The following ROBO2 variants were observed in gnomAD, a reference collection of about 807,000 sequenced individuals.
ROBO2 encodes roundabout homolog 2.
In ROBO2, 53 loss-of-function variants were observed where a neutral mutation model predicts 160.8. The observed-to-expected ratio is 0.33, with a 90% CI of 0.26 to 0.41. The LOEUF is 0.41. Ranked by LOEUF, ROBO2 falls within the 10% of genes least tolerant of loss-of-function variation. The probability of loss-of-function intolerance (pLI) is 1.00; values close to 1 mark genes in which losing one functional copy is unlikely to be tolerated. For missense variants in ROBO2, 1,577 were observed against 1,722.4 expected, an observed-to-expected ratio of 0.92 and a Z score of 1.49; for synonymous variants, 664 against 611.7, an observed-to-expected ratio of 1.09 and a Z score of -1.26.
chr3:77,536,704 TA>T (rs2092130103), intron 6 of ROBO2, among the ~76,000 whole-genome samples: 1 of 152,118 alleles, frequency 6.6e-6, no homozygotes, highest in South Asian at 2.1e-4. Context: ...TAATGTTGTT[TA>T]AAAAAATAAT....
intron 2 of ROBO2, among the ~76,000 whole-genome samples, chr3:76,917,002 CA>C (rs892157493): frequency 1.4e-4 from 22 of 152,168 alleles, no homozygotes; most frequent in African/African-American, 5.3e-4. Flanking sequence ...ACACATTGAC[CA>C]AAAAAGCAGA....
intron 2 of ROBO2, among the ~76,000 whole-genome samples, chr3:76,363,065 G>A (rs2075614045): frequency 6.6e-6 from 1 of 152,038 alleles, no homozygotes; most frequent in African/African-American, 2.4e-5. Context: ...TCTGGTAAAT[G>A]TGTTTGGAAT....
intron 2 of ROBO2, among the ~76,000 whole-genome samples, chr3:77,140,588 T>A (rs185829834): frequency 6.6e-6 from 1 of 152,258 alleles, no homozygotes; most frequent in Admixed American, 6.5e-5. Flanking sequence ...CAGAACTACC[T>A]GCAATGGAAA....
At chr3:76,489,960 G>C (rs775035786) in intron 2 of ROBO2, among the ~76,000 whole-genome samples, 1 of 152,034 alleles carries the variant, frequency 6.6e-6, no homozygotes, top group Non-Finnish European at 1.5e-5. Flanking sequence ...ATTGAAATGA[G>C]TATTTCAAAA....
chr3:76,899,084 T>A (rs925754499), intron 2 of ROBO2, among the ~76,000 whole-genome samples: 2 of 152,094 alleles, frequency 1.3e-5, no homozygotes, highest in Non-Finnish European at 2.9e-5. Context: ...TACACAACAA[T>A]TCTTCTGCTT....
intron 2 of ROBO2, among the ~76,000 whole-genome samples, chr3:76,425,056 C>A (rs1276613714): frequency 6.6e-6 from 1 of 152,072 alleles, no homozygotes; most frequent in Non-Finnish European, 1.5e-5. Flanking sequence ...CTCCTCTACC[C>A]TTATAAATTC....
rs751579500 is a variant in ROBO2, at chr3:77,477,591, T to A, written c.546+20T>A. 1 of 1,610,806 alleles carries A rather than the reference T, an allele frequency of 6.2e-7. No individual in the cohort carries two copies. Among genetic ancestry groups the A allele is most frequent in the Non-Finnish European group, 8.5e-7 (1 of 1,177,018 alleles). On this transcript the variant is annotated intron_variant, in intron 3 of 25. Transcript: ENST00000461745. ...ATAAGTGTGAGTTAAATTAAAATCATGGCCCAGAGAGATTGAATTTTCAGT... is the reference window on the plus strand; with the variant it reads ...ATAAGTGTGAGTTAAATTAAAATCAAGGCCCAGAGAGATTGAATTTTCAGT...
chr3:77,386,603 A>ATTTTTTTTTTTTTTTTTTATTT lies in ROBO2; in HGVS notation c.389-90794_389-90793insTATTTTTTTTTTTTTTTTTTTT, dbSNP rs71104679. Among the ~76,000 whole-genome samples the ATTTTTTTTTTTTTTTTTTATTT allele has an allele frequency of 3.3e-5, 3 of 91,896 alleles. 1 individual carries two copies. The highest frequency in any genetic ancestry group is 6.4e-5 in the Non-Finnish European group (3 of 47,126). The allele number at this position is 91,896 out of a possible 152,430, so 60.3% of individuals were successfully genotyped here. Reference sequence around the variant, plus strand: ...AGTTAATTATTTTTTCAGCCAGGTAATTTTTTTTTTTTTTTTTGAAATAGA... The same window carrying ATTTTTTTTTTTTTTTTTTATTT: ...AGTTAATTATTTTTTCAGCCAGGTAATTTTTTTTTTTTTTTTTTATTTTTTTTTTTTTTTTTTTTGAAATAGA... On this transcript the variant is annotated intron_variant, in intron 2 of 25. Coordinates refer to ENST00000461745, the Ensembl canonical transcript of ROBO2.
chr3:77,222,001 C>T (rs918365489), intron 2 of ROBO2, among the ~76,000 whole-genome samples: 2 of 151,678 alleles, frequency 1.3e-5, no homozygotes, highest in African/African-American at 2.4e-5. Context: ...TATAGCCACC[C>T]GCCACTACTC....
At chr3:76,391,510 T>C (rs1049307125) in intron 2 of ROBO2, among the ~76,000 whole-genome samples, 19 of 144,124 alleles carry the variant, frequency 1.3e-4, no homozygotes, top group Admixed American at 4.1e-4. Flanking sequence ...ATCTTCCTCA[T>C]GATGGTGATA....
At chr3:77,049,151 A>G (rs140495491) in intron 1 of ROBO2, among the ~76,000 whole-genome samples, 79 of 152,228 alleles carry the variant, frequency 5.2e-4, no homozygotes, top group African/African-American at 1.8e-3. Context: ...CAACATAGTG[A>G]AACCCTGTCT....
chr3:76,417,164 G>T (rs1216720292), intron 2 of ROBO2, among the ~76,000 whole-genome samples: 2 of 152,146 alleles, frequency 1.3e-5, no homozygotes, highest in Admixed American at 1.3e-4. Flanking sequence ...ATCTGGAATG[G>T]GTGTAGGCTG....
intron 2 of ROBO2, among the ~76,000 whole-genome samples, chr3:76,545,654 A>T (rs989317490): frequency 6.6e-6 from 1 of 152,002 alleles, no homozygotes; most frequent in African/African-American, 2.4e-5. Flanking sequence ...TTCTATCATC[A>T]TAAACTGAAA....
intron 2 of ROBO2, among the ~76,000 whole-genome samples, chr3:76,167,487 C>T (rs571517727): frequency 6.6e-6 from 1 of 152,276 alleles, no homozygotes; most frequent in South Asian, 2.1e-4. Context: ...TCCATGTTAT[C>T]TTGTGCATCC....
At chr3:76,467,799 A>T (rs1050629514) in intron 2 of ROBO2, among the ~76,000 whole-genome samples, 5 of 152,150 alleles carry the variant, frequency 3.3e-5, no homozygotes, top group South Asian at 4.1e-4. Flanking sequence ...TGTGGTATAA[A>T]TTAATATTAA....
At chr3:77,395,721 C>G (rs2075214506) in intron 2 of ROBO2, among the ~76,000 whole-genome samples, 1 of 152,018 alleles carries the variant, frequency 6.6e-6, no homozygotes, top group Non-Finnish European at 1.5e-5. Context: ...CTGATAATAA[C>G]ACTTTACTAA....
At chr3:77,440,235 G>A (rs1399699364) in intron 2 of ROBO2, among the ~76,000 whole-genome samples, 1 of 152,036 alleles carries the variant, frequency 6.6e-6, no homozygotes, top group African/African-American at 2.4e-5. Flanking sequence ...TCAATAAAAA[G>A]CCTAGCTTTC....
At chr3:77,291,902 G>A (rs1444309894) in intron 2 of ROBO2, among the ~76,000 whole-genome samples, 1 of 151,946 alleles carries the variant, frequency 6.6e-6, no homozygotes, top group Admixed American at 6.6e-5. Flanking sequence ...GGTAAGCTGA[G>A]GCTAGATCAC....
At chr3:77,154,204 A>T (rs1345791158) in intron 2 of ROBO2, among the ~76,000 whole-genome samples, 2 of 152,132 alleles carry the variant, frequency 1.3e-5, no homozygotes, top group Non-Finnish European at 2.9e-5. Flanking sequence ...CACATAGTTT[A>T]ATGTATCTTC....
Sources: allele counts gnomAD v4.1 joint callset (sites outside exome capture counted in the v4.1 genomes callset), GRCh38; gene constraint gnomAD v4.1.1; transcripts MANE v1.5; gene names NCBI Gene and HGNC (gene_info 2026-07-23, HGNC 2026-07-21).